TRPM1: variants seen among roughly 807,000 people sequenced by gnomAD.
TRPM1 encodes the protein transient receptor potential cation channel subfamily M member 1.
Under a neutral mutation model 149.4 loss-of-function variants are expected in TRPM1, and 113 were observed. The observed-to-expected ratio is 0.76, with a 90% CI of 0.65 to 0.88. The LOEUF (loss-of-function observed/expected upper bound fraction) is 0.88, where lower values mean the gene tolerates loss of function less well. TRPM1 is among the 40% of genes least tolerant of loss of function. The probability of loss-of-function intolerance (pLI) is 0.00; values close to 1 mark genes in which losing one functional copy is unlikely to be tolerated. For missense variants in TRPM1, 1,976 were observed against 2,038.7 expected (o/e 0.97, Z 0.59); for synonymous variants, 741 against 759.5 (o/e 0.98, Z 0.40).
chr15:31,128,902 G>A (rs2035984258), intron 1 of TRPM1, among the ~76,000 whole-genome samples: 1 of 152,232 alleles, frequency 6.6e-6, no homozygotes, highest in Non-Finnish European at 1.5e-5. Context: ...TAATTCAGAT[G>A]AAAGCCCCCC....
intron 27 of TRPM1, among the ~76,000 whole-genome samples, chr15:31,004,427 C>T (rs1337560463): frequency 6.6e-6 from 1 of 151,616 alleles, no homozygotes; most frequent in Non-Finnish European, 1.5e-5. Context: ...CCTTGCCCCA[C>T]CTCCCAGAGT....
At chr15:31,071,978 A>AAAAAAAT (rs1567034341) in intron 3 of TRPM1, among the ~76,000 whole-genome samples, 1 of 62,390 alleles carries the variant, frequency 1.6e-5, no homozygotes, top group Non-Finnish European at 2.9e-5. Flanking sequence ...AAAAAAAAAA[A>AAAAAAAT]ACATATATAT....
rs148560813 is a variant in TRPM1 at position 31,149,489 on chromosome 15, A to ATG, written c.54+11415_54+11416dup. On this transcript the variant is annotated intron_variant, in intron 1 of 26. Coordinates refer to the TRPM1 transcript ENST00000542188. Reference sequence around the variant, plus strand: ...GGAGCTGCCTGGGTCCTTGGGGTGCATGGCTGCTATAGCTCGTCATGTGCA... The same window carrying ATG: ...GGAGCTGCCTGGGTCCTTGGGGTGCATGTGGCTGCTATAGCTCGTCATGTGCA... Among the ~76,000 whole-genome samples, 1,173 of 150,402 alleles carry ATG rather than the reference A, an allele frequency of 7.8e-3. 17 individuals are homozygous for ATG. Among genetic ancestry groups the ATG allele is most frequent in the African/African-American group, 0.027 (1,122 of 40,810 alleles).
chr15:31,008,368 G>T (rs190943730), intron 27 of TRPM1, among the ~76,000 whole-genome samples: 1 of 152,274 alleles, frequency 6.6e-6, no homozygotes, highest in East Asian at 1.9e-4. Context: ...TTCTTAGTTT[G>T]CTGAGAGACT....
Position 31,037,577 on chromosome 15 carries a change from G to C in TRPM1, c.2571+134C>G, listed in dbSNP as rs1188350569. On this transcript the variant is annotated intron_variant, in intron 20 of 27. Transcript: ENST00000256552. Reference sequence around the variant, plus strand: ...TAGCCAGAGATCTCAATTAGTCCCAGTTTTGTTCTCATAATTCATTTTAAT... The same window carrying C: ...TAGCCAGAGATCTCAATTAGTCCCACTTTTGTTCTCATAATTCATTTTAAT... The C allele has an allele frequency of 4.7e-6, 6 of 1,271,240 alleles. No homozygotes were observed. In the Admixed American group the frequency reaches 5.8e-5, roughly 12 times the overall value. The allele number at this position is 1,271,240 out of a possible 1,614,324, so 78.7% of individuals were successfully genotyped here. A position where few individuals can be genotyped will look rare whatever the true frequency, so the allele number is the denominator to read the frequency against.
chr15:31,077,381 T>C (rs2034727907), intron 2 of TRPM1, among the ~76,000 whole-genome samples: 1 of 152,168 alleles, frequency 6.6e-6, no homozygotes, highest in South Asian at 2.1e-4. Context: ...AAATCCCCTG[T>C]GGAGGCCCTG....
At chr15:31,035,469 C>T in intron 21 of TRPM1, 77 bp downstream of exon 21, 3 of 1,603,140 alleles carry the variant, frequency 1.9e-6, no homozygotes, top group South Asian at 1.1e-5. Flanking sequence ...TTGCATGAAA[C>T]GTTTTTTCAG....
chr15:31,055,088 C>G (rs1181512492), intron 11 of TRPM1, among the ~76,000 whole-genome samples: 1 of 152,132 alleles, frequency 6.6e-6, no homozygotes, highest in African/African-American at 2.4e-5. Context: ...TTCTTATGTC[C>G]TCCCTACCAC....
Position 31,032,701 on chromosome 15 carries a change from C to A in TRPM1, c.2940G>T (p.Met980Ile). Residue 980 changes from methionine (M) to isoleucine (I), a missense_variant, in exon 22 of 28, where the codon ATG (methionine) becomes ATT (isoleucine). Met to Ile is a conservative substitution (Grantham distance 10). Transcript: ENST00000256552. The stretch of plus-strand genomic sequence containing the variant: ...TGCCACTACTAACCATCTTTCCAAT[C>A]ATCATCACGTATGGCCCCAGATACT... The part of the protein sequence containing the change: ...VNKYLGPYVM[M>I]IGKMMIDMLY... 1 of 1,614,216 alleles carries A rather than the reference C, an allele frequency of 6.2e-7. No homozygotes were observed. The highest frequency in any genetic ancestry group is 1.1e-5 in the South Asian group (1 of 91,080).
At chr15:31,145,943 G>T (rs1230784408) in intron 1 of TRPM1, among the ~76,000 whole-genome samples, 1 of 151,346 alleles carries the variant, frequency 6.6e-6, no homozygotes, top group Non-Finnish European at 1.5e-5. Flanking sequence ...AAACAAAAAC[G>T]CAAAAAACAT....
chr15:31,033,107 G>T, intron 21 of TRPM1, 167 bp from the exon 22 acceptor site: 8 of 915,916 alleles, frequency 8.7e-6, no homozygotes, highest in Non-Finnish European at 1.4e-5. Context: ...ATCTAGAAAG[G>T]GAAATTCCAC....
At chr15:31,102,858 A>G (rs1049859964), upstream of TRPM1, among the ~76,000 whole-genome samples, 1 of 152,342 alleles carries the variant, frequency 6.6e-6, no homozygotes, top group East Asian at 1.9e-4. Context: ...TGGGCGCACA[A>G]TGACCGCAGC....
Position 31,093,196 on chromosome 15 carries a change from G to A in TRPM1, c.-84+8461C>T, listed in dbSNP as rs549131889. 3.1e-4 allele frequency among the ~76,000 whole-genome samples: 45 copies of A among 143,062 alleles called. No homozygotes were observed. The South Asian group carries it at 5.2e-3, about 17-fold the overall frequency. The allele number at this position is 143,062 out of a possible 152,430, so 93.9% of individuals were successfully genotyped here. Reference sequence around the variant, plus strand: ...GAATTGCTTTAACCTGGGAGGCAGAGGTTGCACTAAGCTGAGATTATGACA... The same window carrying A: ...GAATTGCTTTAACCTGGGAGGCAGAAGTTGCACTAAGCTGAGATTATGACA... On this transcript the variant is annotated intron_variant, in intron 1 of 27. Transcript: ENST00000256552.
At chr15:31,067,577 G>T (rs2034415068) in intron 5 of TRPM1, among the ~76,000 whole-genome samples, 1 of 152,118 alleles carries the variant, frequency 6.6e-6, no homozygotes, top group African/African-American at 2.4e-5. Flanking sequence ...AACAGGAAAA[G>T]GATTGTCGAG....
intron 3 of TRPM1, among the ~76,000 whole-genome samples, chr15:31,072,018 T>TATATATAGAGAGAG (rs1400392427): frequency 2.2e-4 from 8 of 36,908 alleles, no homozygotes; most frequent in African/African-American, 5.6e-4. Context: ...TATATATATA[T>TATATATAGAGAGAG]AGAGAGAGAG....
chr15:31,095,290 G>A (rs1203840802), intron 1 of TRPM1, among the ~76,000 whole-genome samples: 2 of 152,234 alleles, frequency 1.3e-5, no homozygotes, highest in African/African-American at 4.8e-5. Context: ...AGGACAGAGA[G>A]ACAAGGTAGT....
Position 31,145,348 on chromosome 15 carries a change from C to T in TRPM1, c.54+15558G>A, listed in dbSNP as rs891184034. Among the ~76,000 whole-genome samples, 3 of 152,164 alleles carry T rather than the reference C, an allele frequency of 2.0e-5. No individual in the cohort carries two copies. In the South Asian group the frequency reaches 6.2e-4, roughly 32 times the overall value. ...AGACTCCATGTCATAATGACTCTTACCCCTTTTAATTTTTTTTTACTTATG... is the reference window on the plus strand; with the variant it reads ...AGACTCCATGTCATAATGACTCTTATCCCTTTTAATTTTTTTTTACTTATG... On this transcript the variant is annotated intron_variant, in intron 1 of 26. Transcript: ENST00000542188.
intron 26 of TRPM1, 140 bp downstream of exon 26, chr15:31,026,775 C>A (rs1196558283): frequency 6.9e-6 from 6 of 874,918 alleles, no homozygotes; most frequent in Non-Finnish European, 7.2e-6. Flanking sequence ...AATGAGAAGC[C>A]TTTTGAAAAG....
At chr15:31,095,034 C>CTA (rs2035338952) in intron 1 of TRPM1, among the ~76,000 whole-genome samples, 3 of 152,172 alleles carry the variant, frequency 2.0e-5, no homozygotes, top group Admixed American at 2.0e-4. Context: ...TATTATTTAG[C>CTA]CACATAAATG....
Sources: allele counts gnomAD v4.1 joint callset (sites outside exome capture counted in the v4.1 genomes callset), GRCh38; gene constraint gnomAD v4.1.1; transcripts MANE v1.5; gene names NCBI Gene and HGNC (gene_info 2026-07-23, HGNC 2026-07-21).